The following ITGA9 variants were observed in gnomAD, a reference collection of about 807,000 sequenced individuals.
ITGA9 encodes the protein integrin subunit alpha 9, also known as integrin alpha-9.
A neutral mutation model predicts 127.8 loss-of-function variants in ITGA9; 56 were observed. The ratio of observed to expected loss-of-function variants is 0.44; its 90% CI spans 0.35 to 0.55. ITGA9 has a LOEUF of 0.55. ITGA9 is among the 20% of genes least tolerant of loss of function. The pLI is 0.00. For synonymous variants in ITGA9, 508 were observed against 514.5 expected, an observed-to-expected ratio of 0.99 and a Z score of 0.17; for missense variants, 1,196 against 1,347.1, an observed-to-expected ratio of 0.89 and a Z score of 1.76.
rs894047411 is a variant in ITGA9, at chr3:37,494,367, G to T, written c.545-134G>T. ...CCTGAGACTTTCCTTCCTCACCCCA[G>T]TCTGGATGGCATCCCTGGGCCCAGC... On this transcript the variant is annotated intron_variant, in intron 4 of 27. Coordinates refer to ENST00000264741, the MANE Select transcript of ITGA9 (RefSeq NM_002207.3). The T allele has an allele frequency of 2.2e-5, 16 of 718,880 alleles. No individual in the cohort carries two copies. The African/African-American group carries it at 2.3e-4, about 10-fold the overall frequency. 44.5% of individuals were successfully genotyped at this position (718,880 alleles called of 1,614,324 possible).
chr3:37,512,120 C>CT lies in ITGA9; in HGVS notation c.898-1640dup, dbSNP rs60763846. 1.6e-3 allele frequency among the ~76,000 whole-genome samples: 64 copies of CT among 39,422 alleles called. 6 individuals carry two copies. The highest frequency in any genetic ancestry group is 0.012 in the Middle Eastern group (1 of 84). 25.9% of individuals were successfully genotyped at this position (39,422 alleles called of 152,430 possible). A position where few individuals can be genotyped will look rare whatever the true frequency, so the allele number is the denominator to read the frequency against. On this transcript the variant is annotated intron_variant, in intron 8 of 27. Transcript: ENST00000264741. The stretch of plus-strand genomic sequence containing the variant: ...TCCTTCCTTCCTTCCTTCCTTCCTT[C>CT]TTTCTTTTCTTTTCTTTTCTTTTCT...
chr3:37,471,096 A>G lies in ITGA9; in HGVS notation c.275A>G (p.Asn92Ser), dbSNP rs1479862180. Reference sequence around the variant, plus strand: ...GTGTTTAAGTGCCGTGTTCACACCAACCCTGACCGGAGATGCACCGAACTG... The same window carrying G: ...GTGTTTAAGTGCCGTGTTCACACCAGCCCTGACCGGAGATGCACCGAACTG... ...GAVFKCRVHT[N>S]PDRRCTELDM... Residue 92 changes from asparagine (N) to serine (S), a missense_variant, in exon 2 of 28, where the codon AAC becomes AGC. Asn to Ser is a conservative substitution (Grantham distance 46). Transcript: ENST00000264741. 6.2e-7 allele frequency: 1 copy of G among 1,613,912 alleles called. No individual in the cohort carries two copies. The highest frequency in any genetic ancestry group is 8.5e-7 in the Non-Finnish European group (1 of 1,179,966).
chr3:37,476,468 C>G (rs79610703), intron 3 of ITGA9, among the ~76,000 whole-genome samples: 2,117 of 152,088 alleles, frequency 0.014, 30 homozygotes, highest in Non-Finnish European at 0.021. Context: ...GTTTCATCAT[C>G]TGCTTGTTGG....
At chr3:37,575,256 A>C (rs1338975904) in intron 15 of ITGA9, among the ~76,000 whole-genome samples, 1 of 152,118 alleles carries the variant, frequency 6.6e-6, no homozygotes, top group East Asian at 1.9e-4. Context: ...GGGTCTGCAG[A>C]GTGCCGCAAG....
At chr3:37,622,990 T>A (rs1700142049) in intron 15 of ITGA9, among the ~76,000 whole-genome samples, 1 of 152,188 alleles carries the variant, frequency 6.6e-6, no homozygotes, top group African/African-American at 2.4e-5. Flanking sequence ...GTCTGTTATG[T>A]TTATTTCTGA....
chr3:37,560,456 G>A (rs779910812), intron 15 of ITGA9, among the ~76,000 whole-genome samples: 1 of 152,046 alleles, frequency 6.6e-6, no homozygotes, highest in African/African-American at 2.4e-5. Flanking sequence ...TAATCCTTTG[G>A]GTATATACCC....
intron 17 of ITGA9, among the ~76,000 whole-genome samples, chr3:37,672,978 A>T (rs1700651636): frequency 6.6e-6 from 1 of 152,074 alleles, no homozygotes; most frequent in Non-Finnish European, 1.5e-5. Context: ...ATTTGCCACA[A>T]TCTCTAGAAT....
At chr3:37,485,340 T>C (rs1698598451) in intron 4 of ITGA9, among the ~76,000 whole-genome samples, 1 of 152,082 alleles carries the variant, frequency 6.6e-6, no homozygotes, top group African/African-American at 2.4e-5. Flanking sequence ...GGGGGACGGC[T>C]GCCTCTAAAC....
intron 17 of ITGA9, among the ~76,000 whole-genome samples, chr3:37,670,770 C>T (rs1228396898): frequency 1.3e-5 from 2 of 152,194 alleles, no homozygotes. Context: ...GGCTACCTCA[C>T]CTCCCAGGAG....
intron 1 of ITGA9, among the ~76,000 whole-genome samples, chr3:37,465,919 A>G (rs975898963): frequency 6.6e-6 from 1 of 152,092 alleles, no homozygotes; most frequent in African/African-American, 2.4e-5. Flanking sequence ...TGGGGTGGGT[A>G]GAATAGGGCA....
At chr3:37,566,810 C>T (rs1473022855) in intron 15 of ITGA9, among the ~76,000 whole-genome samples, 1 of 152,194 alleles carries the variant, frequency 6.6e-6, no homozygotes, top group Non-Finnish European at 1.5e-5. Flanking sequence ...GAATCCCTGT[C>T]CCCAGCACTG....
intron 1 of ITGA9, among the ~76,000 whole-genome samples, chr3:37,464,712 C>T (rs1191508841): frequency 6.6e-6 from 1 of 152,214 alleles, no homozygotes; most frequent in Non-Finnish European, 1.5e-5. Context: ...GAACTACTGG[C>T]TTAAAACCCT....
chr3:37,458,400 C>T (rs1340858947), intron 1 of ITGA9, among the ~76,000 whole-genome samples: 1 of 152,194 alleles, frequency 6.6e-6, no homozygotes, highest in Non-Finnish European at 1.5e-5. Flanking sequence ...TTGGATGGGA[C>T]AGAGAGAGCC....
At chr3:37,530,717 G>GTTTTTTTTTTTTTTTTTTT (rs71094916) in intron 13 of ITGA9, among the ~76,000 whole-genome samples, 1 of 86,254 alleles carries the variant, frequency 1.2e-5, no homozygotes, top group Non-Finnish European at 2.1e-5. Context: ...CAGCTACCAG[G>GTTTTTTTTTTTTTTTTTTT]TTTTTTTTTT....
At chr3:37,574,572 A>C (rs1699634773) in intron 15 of ITGA9, among the ~76,000 whole-genome samples, 1 of 152,246 alleles carries the variant, frequency 6.6e-6, no homozygotes, top group Non-Finnish European at 1.5e-5. Flanking sequence ...AAAGCTGTTG[A>C]ACTCCCACTG....
At chr3:37,499,264 G>C (rs949303924) in intron 5 of ITGA9, among the ~76,000 whole-genome samples, 1 of 152,240 alleles carries the variant, frequency 6.6e-6, no homozygotes. Context: ...AAGCCTAGAG[G>C]CACTTGGGTG....
chr3:37,640,656 A>G (rs11715437), intron 16 of ITGA9, among the ~76,000 whole-genome samples: 4,847 of 152,294 alleles, frequency 0.032, 102 homozygotes, highest in Non-Finnish European at 0.049. Flanking sequence ...CCGGTAACTT[A>G]TTACTGCAGC....
At chr3:37,595,829 G>T (rs1390212000) in intron 15 of ITGA9, among the ~76,000 whole-genome samples, 1 of 152,196 alleles carries the variant, frequency 6.6e-6, no homozygotes, top group Admixed American at 6.5e-5. Flanking sequence ...AGCCTGGACC[G>T]CCGACCTTGT....
chr3:37,510,045 A>T (rs191627638), intron 8 of ITGA9, among the ~76,000 whole-genome samples: 1 of 137,856 alleles, frequency 7.3e-6, no homozygotes, highest in East Asian at 2.2e-4. Context: ...TTTTTTTGAG[A>T]CAGAGTCTCA....
Sources: gnomAD v4.1 joint callset for allele counts (sites outside exome capture counted in the v4.1 genomes callset) on GRCh38, gnomAD v4.1.1 for gene constraint, MANE v1.5 for transcripts, NCBI Gene and HGNC (gene_info 2026-07-23, HGNC 2026-07-21) for gene names.